SENP6: variants seen among roughly 807,000 people sequenced by gnomAD.
The protein encoded by SENP6 is SUMO specific peptidase 6.
SENP6 carries 41 observed loss-of-function variants against 134.5 expected under a neutral mutation model. The observed-to-expected ratio is 0.30, with a 90% CI of 0.24 to 0.40. The LOEUF is 0.40. Among genes scored for constraint, SENP6 ranks in the 10% least tolerant of loss-of-function variants. The pLI is 1.00. For missense variants in SENP6, 1,248 were observed against 1,312.5 expected, an observed-to-expected ratio of 0.95 and a Z score of 0.76; for synonymous variants, 395 against 429.8, an observed-to-expected ratio of 0.92 and a Z score of 1.00.
At chr6:75,665,421 T>C (rs1373922718) in intron 9 of SENP6, among the ~76,000 whole-genome samples, 1 of 151,980 alleles carries the variant, frequency 6.6e-6, no homozygotes. Context: ...GCCTGGAGGA[T>C]AAAGAGACAA....
chr6:75,659,422 T>C lies in SENP6; in HGVS notation c.696+15T>C. On this transcript the variant is annotated intron_variant, in intron 8 of 23. Coordinates refer to ENST00000447266, the MANE Select transcript of SENP6 (RefSeq NM_015571.4). Reference sequence around the variant, plus strand: ...CCCATTTAGAGGTAAGTAGAGAAATTATTCTTTGTTGCTAATCAGATTGTG... The same window carrying C: ...CCCATTTAGAGGTAAGTAGAGAAATCATTCTTTGTTGCTAATCAGATTGTG... 1 of 1,584,928 alleles carries C rather than the reference T, an allele frequency of 6.3e-7. No individual in the cohort carries two copies. Among genetic ancestry groups the C allele is most frequent in the South Asian group, 1.1e-5 (1 of 88,410 alleles).
chr6:75,602,893 A>G (rs1208090240), intron 1 of SENP6, among the ~76,000 whole-genome samples: 1 of 152,220 alleles, frequency 6.6e-6, no homozygotes, highest in Admixed American at 6.5e-5. Context: ...TGGCCTAAGG[A>G]TGAGAGCAGC....
intron 11 of SENP6, among the ~76,000 whole-genome samples, chr6:75,674,641 G>C (rs1459235801): frequency 2.6e-5 from 4 of 152,138 alleles, no homozygotes; most frequent in African/African-American, 9.7e-5. Context: ...CAAATAATTT[G>C]TTATTTCCCA....
At chr6:75,633,286 T>C (rs905211963) in intron 3 of SENP6, among the ~76,000 whole-genome samples, 2 of 152,292 alleles carry the variant, frequency 1.3e-5, no homozygotes, top group East Asian at 3.9e-4. Flanking sequence ...GCTTACTTTT[T>C]ACTCTCTGGA....
chr6:75,663,162 G>T, intron 8 of SENP6, 59 bp from the exon 9 acceptor site: 1 of 1,472,224 alleles, frequency 6.8e-7, no homozygotes, highest in South Asian at 1.2e-5. Flanking sequence ...TGTTCAAAAT[G>T]TGGAAAGGAA....
At chr6:75,702,566 A>T (rs1296570972) in intron 18 of SENP6, 79 bp from the exon 19 acceptor site, 1 of 1,299,416 alleles carries the variant, frequency 7.7e-7, no homozygotes, top group East Asian at 2.6e-5. Flanking sequence ...TTAGAAAAAA[A>T]CATTTTAATT....
In SENP6 at chr6:75,677,189, C is replaced by T. The variant is rs181473855; in HGVS notation, c.1781C>T (p.Ala594Val). Reference protein sequence around the residue: ...PFEEANGRLVACTRTYEESIK... With the variant: ...PFEEANGRLVVCTRTYEESIK... The stretch of plus-strand genomic sequence containing the variant: ...GAAGAAGCTAATGGCAGACTTGTTG[C>T]CTGTACAAGAACCTATGAAGAGAGC... The change falls in exon 14 of 24, where the codon GCC becomes GTC. Residue 594 changes from alanine to valine, a missense_variant. Physicochemically the swap from Ala to Val is moderately conservative, Grantham distance 64. Coordinates refer to ENST00000447266, the MANE Select transcript of SENP6 (RefSeq NM_015571.4). 1 of 1,612,260 alleles carries T rather than the reference C, an allele frequency of 6.2e-7. No individual in the cohort carries two copies. Among genetic ancestry groups the T allele is most frequent in the African/African-American group, 1.3e-5 (1 of 74,906 alleles).
At chr6:75,642,844 G>A (rs1294153761) in intron 6 of SENP6, among the ~76,000 whole-genome samples, 1 of 152,194 alleles carries the variant, frequency 6.6e-6, no homozygotes, top group Non-Finnish European at 1.5e-5. Flanking sequence ...TGTTACAAAG[G>A]AAAATCAGTA....
intron 9 of SENP6, among the ~76,000 whole-genome samples, chr6:75,665,411 G>A (rs556745633): frequency 1.8e-4 from 27 of 152,298 alleles, no homozygotes; most frequent in African/African-American, 5.8e-4. Flanking sequence ...TGGCTAGTGT[G>A]CCTGGAGGAT....
chr6:75,675,236 C>A (rs1265080198), intron 11 of SENP6, among the ~76,000 whole-genome samples, 199 bp from the exon 12 acceptor site: 1 of 151,458 alleles, frequency 6.6e-6, no homozygotes, highest in African/African-American at 2.4e-5. Context: ...AGGGATGTGA[C>A]AAGAATGTTA....
intron 23 of SENP6, among the ~76,000 whole-genome samples, chr6:75,714,722 C>CAGCCT (rs1286083718): frequency 8.5e-5 from 13 of 152,170 alleles, no homozygotes; most frequent in Admixed American, 2.0e-4. Context: ...ATACAACAGC[C>CAGCCT]AGCCACCTGA....
At chr6:75,712,513 G>T (rs998264836) in intron 21 of SENP6, among the ~76,000 whole-genome samples, 5 of 150,548 alleles carry the variant, frequency 3.3e-5, no homozygotes, top group Admixed American at 6.6e-5. Context: ...GCCATCTCTG[G>T]AAAAAGTTAA....
At chr6:75,627,502 G>T (rs1307588364) in intron 3 of SENP6, among the ~76,000 whole-genome samples, 2 of 152,138 alleles carry the variant, frequency 1.3e-5, no homozygotes, top group African/African-American at 2.4e-5. Context: ...GGTGTCTTTT[G>T]CCTGTAATCC....
chr6:75,697,789 C>T (rs1582885059), intron 18 of SENP6: 1 of 298,452 alleles, frequency 3.4e-6, no homozygotes, highest in East Asian at 5.7e-5. Flanking sequence ...AAATATGGTG[C>T]TTATTGTCTA....
At chr6:75,614,260 CTTTTTTTTT>C (rs1024636893) in intron 1 of SENP6, among the ~76,000 whole-genome samples, 15 of 140,222 alleles carry the variant, frequency 1.1e-4, no homozygotes, top group Admixed American at 2.9e-4. Context: ...AAGTTACTAT[CTTTTTTTTT>C]TTTTTTTTTT....
At chr6:75,617,252 TTTC>T (rs1767919090) in intron 1 of SENP6, among the ~76,000 whole-genome samples, 1 of 142,572 alleles carries the variant, frequency 7.0e-6, no homozygotes, top group South Asian at 2.3e-4. Flanking sequence ...GTTTGGAGAA[TTTC>T]TTTCTTTCTT....
At chr6:75,658,899 G>C (rs1771544186) in intron 7 of SENP6, among the ~76,000 whole-genome samples, 1 of 142,164 alleles carries the variant, frequency 7.0e-6, no homozygotes, top group African/African-American at 2.6e-5. Context: ...TTGAGCTAAG[G>C]TGTTTGAGAT....
chr6:75,710,167 G>T (rs552766071), intron 20 of SENP6, among the ~76,000 whole-genome samples: 5 of 151,080 alleles, frequency 3.3e-5, no homozygotes, highest in Non-Finnish European at 7.4e-5. Context: ...ATATTATATT[G>T]TTTTCCCACT....
At chr6:75,667,510 C>T (rs17499531) in intron 10 of SENP6, among the ~76,000 whole-genome samples, 17 of 151,738 alleles carry the variant, frequency 1.1e-4, no homozygotes, top group African/African-American at 4.1e-4. Flanking sequence ...ATGAAAAGTG[C>T]AAATTAAGGA....
Sources: allele counts gnomAD v4.1 joint callset (sites outside exome capture counted in the v4.1 genomes callset), GRCh38; gene constraint gnomAD v4.1.1; transcripts MANE v1.5; gene names NCBI Gene and HGNC (gene_info 2026-07-23, HGNC 2026-07-21).